MYO3B: variants seen among roughly 807,000 people sequenced by gnomAD.
MYO3B encodes myosin-IIIb.
Under a neutral mutation model 174.6 loss-of-function variants are expected in MYO3B, and 156 were observed. That is an observed-to-expected ratio of 0.89 (90% CI 0.78 to 1.02). The LOEUF is 1.02. Ranked by LOEUF, MYO3B falls within the 50% of genes least tolerant of loss-of-function variation. The probability of loss-of-function intolerance (pLI) is 0.00; values close to 1 mark genes in which losing one functional copy is unlikely to be tolerated. For synonymous variants in MYO3B, 563 were observed against 569.1 expected (o/e 0.99, Z 0.15); for missense variants, 1,632 against 1,639.4 (o/e 1.00, Z 0.08).
At chr2:170,421,445 A>C (rs2094614144) in intron 22 of MYO3B, among the ~76,000 whole-genome samples, 2 of 152,168 alleles carry the variant, frequency 1.3e-5, no homozygotes, top group Non-Finnish European at 2.9e-5. Flanking sequence ...TAAAGTACAG[A>C]TCTTTAAGCA....
chr2:170,396,233 G>A (rs1284165132), intron 16 of MYO3B, among the ~76,000 whole-genome samples: 4 of 152,204 alleles, frequency 2.6e-5, no homozygotes, highest in Non-Finnish European at 5.9e-5. Flanking sequence ...TCTGTAGCTG[G>A]AGATGAAGCA....
chr2:170,543,486 A>C lies in MYO3B; in HGVS notation c.3637-406A>C, dbSNP rs573930410. Among the ~76,000 whole-genome samples, 90 of 152,358 alleles carry C rather than the reference A, an allele frequency of 5.9e-4. 1 individual carries two copies. Among genetic ancestry groups the C allele is most frequent in the African/African-American group, 2.1e-3 (86 of 41,582 alleles). ...TGCTGAGCATATGTAAGATTAAAAA[A>C]ACAAAATCCTTTGGATGATGTACTT... On this transcript the variant is annotated intron_variant, in intron 31 of 34. Coordinates refer to ENST00000408978, the MANE Select transcript of MYO3B (RefSeq NM_138995.5).
At chr2:170,271,263 G>A (rs946446652) in intron 7 of MYO3B, among the ~76,000 whole-genome samples, 1 of 152,288 alleles carries the variant, frequency 6.6e-6, no homozygotes, top group South Asian at 2.1e-4. Context: ...CTGGAAAGCA[G>A]CATAATCTTA....
At chr2:170,261,469 A>G (rs2105350558) in intron 7 of MYO3B, among the ~76,000 whole-genome samples, 1 of 152,286 alleles carries the variant, frequency 6.6e-6, no homozygotes. Context: ...GGGAGAATTG[A>G]TCCCGTCACC....
Position 170,322,875 on chromosome 2 carries a change from G to C in MYO3B, c.750-12510G>C, listed in dbSNP as rs767582938. Among the ~76,000 whole-genome samples the C allele has an allele frequency of 2.0e-4, 30 of 152,292 alleles. No individual in the cohort carries two copies. In the Middle Eastern group the frequency reaches 0.014, roughly 69 times the overall value. On this transcript the variant is annotated intron_variant, in intron 7 of 34. Transcript: ENST00000408978. ...GGGTCTGCTCATGGTGACAGGTGTT[G>C]ATGTTCAGCTGCTAATTTCCCCCAT...
At chr2:170,232,313 C>T (rs1287477459) in intron 6 of MYO3B, among the ~76,000 whole-genome samples, 1 of 152,136 alleles carries the variant, frequency 6.6e-6, no homozygotes, top group Non-Finnish European at 1.5e-5. Context: ...ATAGGGAATC[C>T]CATTCCAGGA....
chr2:170,383,180 C>T lies in MYO3B; in HGVS notation c.1176C>T (p.Tyr392=). ...ALNPFQNLSI[Y]SPQFSRLYHG... ...ACCCCTTCCAGAATCTAAGCATATACTCTCCACAGGTAAGGGATGTTTTAA... is the reference window on the plus strand; with the variant it reads ...ACCCCTTCCAGAATCTAAGCATATATTCTCCACAGGTAAGGGATGTTTTAA... Residue 392 remains tyrosine, a synonymous_variant, in exon 11 of 35, where the codon TAC becomes TAT. Transcript: ENST00000408978. 6.3e-7 allele frequency: 1 copy of T among 1,587,988 alleles called. No homozygotes were observed.
At chr2:170,354,526 A>G (rs1009302373) in intron 8 of MYO3B, among the ~76,000 whole-genome samples, 3 of 152,218 alleles carry the variant, frequency 2.0e-5, no homozygotes, top group Non-Finnish European at 4.4e-5. Flanking sequence ...AGAAAATTAG[A>G]AAGGAAAACA....
At chr2:170,311,363 A>G (rs1433980141) in intron 7 of MYO3B, among the ~76,000 whole-genome samples, 1 of 151,962 alleles carries the variant, frequency 6.6e-6, no homozygotes, top group Non-Finnish European at 1.5e-5. Context: ...CTGATGACTA[A>G]TGGTGTTTTA....
At chr2:170,188,701 A>C (rs925768083) in intron 1 of MYO3B, among the ~76,000 whole-genome samples, 2 of 152,164 alleles carry the variant, frequency 1.3e-5, no homozygotes, top group Non-Finnish European at 1.5e-5. Context: ...TAATAAACTA[A>C]TGATAACTGA....
intron 25 of MYO3B, among the ~76,000 whole-genome samples, chr2:170,483,156 GGCA>G (rs1002046792): frequency 4.6e-5 from 7 of 152,190 alleles, no homozygotes; most frequent in Admixed American, 1.3e-4. Context: ...ACTGAATGGT[GGCA>G]GAATAATAAG....
At chr2:170,622,684 T>G (rs1696032460) in intron 32 of MYO3B, among the ~76,000 whole-genome samples, 1 of 151,830 alleles carries the variant, frequency 6.6e-6, no homozygotes, top group Admixed American at 6.6e-5. Context: ...TAACTCATCA[T>G]TTACATTAGG....
At chr2:170,195,920 A>G (rs781066419) in intron 1 of MYO3B, among the ~76,000 whole-genome samples, 4 of 152,208 alleles carry the variant, frequency 2.6e-5, no homozygotes, top group African/African-American at 9.6e-5. Context: ...GACACTCAAT[A>G]TTAACCATCA....
intron 32 of MYO3B, among the ~76,000 whole-genome samples, chr2:170,620,991 C>T (rs184542253): frequency 4.2e-4 from 64 of 151,848 alleles, no homozygotes; most frequent in African/African-American, 1.3e-3. Flanking sequence ...CGGGTTCAAG[C>T]GCTTCTCCTG....
chr2:170,410,133 T>C (rs1195948671), intron 22 of MYO3B, among the ~76,000 whole-genome samples: 2 of 152,202 alleles, frequency 1.3e-5, no homozygotes, highest in African/African-American at 4.8e-5. Context: ...AAGAAACCAT[T>C]TTCTTGTCAC....
chr2:170,545,406 G>T, intron 32 of MYO3B, among the ~76,000 whole-genome samples: 1 of 152,200 alleles, frequency 6.6e-6, no homozygotes, highest in Admixed American at 6.5e-5. Flanking sequence ...CTGGCTCATA[G>T]TAAGTGTTTA....
intron 8 of MYO3B, among the ~76,000 whole-genome samples, chr2:170,365,850 T>C (rs979432025): frequency 2.6e-5 from 4 of 152,132 alleles, no homozygotes; most frequent in Non-Finnish European, 5.9e-5. Flanking sequence ...TGATCCTGTA[T>C]GGCAGTTGCA....
intron 3 of MYO3B, among the ~76,000 whole-genome samples, chr2:170,202,340 G>T (rs2092671009): frequency 6.6e-6 from 1 of 152,160 alleles, no homozygotes; most frequent in African/African-American, 2.4e-5. Context: ...GAGATACTGG[G>T]TGTCCTCAGT....
At chr2:170,208,372 A>G (rs2092735929) in intron 3 of MYO3B, among the ~76,000 whole-genome samples, 1 of 152,192 alleles carries the variant, frequency 6.6e-6, no homozygotes, top group Non-Finnish European at 1.5e-5. Flanking sequence ...GGCTATAGTT[A>G]TGCTTGCTAA....
Sources: gnomAD v4.1 joint callset for allele counts (sites outside exome capture counted in the v4.1 genomes callset) on GRCh38, gnomAD v4.1.1 for gene constraint, MANE v1.5 for transcripts, NCBI Gene and HGNC (gene_info 2026-07-23, HGNC 2026-07-21) for gene names.